Variants in EPS8 observed in about 807,000 individuals in gnomAD.
EPS8 encodes the protein epidermal growth factor receptor kinase substrate 8.
A neutral mutation model predicts 103.8 loss-of-function variants in EPS8; 42 were observed. The ratio of observed to expected loss-of-function variants is 0.40; its 90% CI spans 0.32 to 0.52. The LOEUF is 0.52. EPS8 is among the 20% of genes least tolerant of loss of function. The pLI is 0.40. For missense variants in EPS8, 969 were observed against 1,005.1 expected, an observed-to-expected ratio of 0.96 and a Z score of 0.49; for synonymous variants, 344 against 344.6, an observed-to-expected ratio of 1.00 and a Z score of 0.02.
intron 18 of EPS8, among the ~76,000 whole-genome samples, chr12:15,629,278 G>A (rs552813267): frequency 6.6e-6 from 1 of 152,272 alleles, no homozygotes; most frequent in Non-Finnish European, 1.5e-5. Flanking sequence ...AGAACAGACT[G>A]TCCTAACCCA....
intron 10 of EPS8, among the ~76,000 whole-genome samples, chr12:15,659,514 T>C (rs929055707): frequency 2.6e-5 from 4 of 152,130 alleles, no homozygotes; most frequent in African/African-American, 9.7e-5. Context: ...ATACCTTTCA[T>C]AGAGAATTTC....
chr12:15,717,505 T>C lies in EPS8; in HGVS notation c.-21-34533A>G, dbSNP rs1031758855. 2.0e-5 allele frequency among the ~76,000 whole-genome samples: 3 copies of C among 152,006 alleles called. No individual in the cohort carries two copies. Among genetic ancestry groups the C allele is most frequent in the African/African-American group, 7.3e-5 (3 of 41,350 alleles). On this transcript the variant is annotated intron_variant, in intron 1 of 20. Transcript: ENST00000281172. This position sits in a 1 kb window ranked among gnomAD's most constrained non-coding sequence, Gnocchi z 4.3. ...GGGAGGCTGAGGCAGCAGAATTGCT[T>C]AAGCCCCGGAGGCAGAGGTTGCAGT...
intron 20 of EPS8, among the ~76,000 whole-genome samples, chr12:15,621,695 T>C (rs1300724566): frequency 9.9e-5 from 15 of 152,218 alleles, no homozygotes; most frequent in Admixed American, 9.8e-4. Flanking sequence ...AATGTATGTA[T>C]AGTACTCTAG....
intron 1 of EPS8, chr12:15,712,977 G>A (rs975009528): frequency 1.3e-5 from 13 of 985,296 alleles, no homozygotes; most frequent in South Asian, 4.7e-5. Flanking sequence ...GACTCTAAGC[G>A]TCAGTTTCGG....
intron 10 of EPS8, among the ~76,000 whole-genome samples, chr12:15,659,877 T>C (rs1428659259): frequency 6.6e-6 from 1 of 152,234 alleles, no homozygotes; most frequent in Non-Finnish European, 1.5e-5. Flanking sequence ...TAAAGTTTTG[T>C]GATAAAAAAT....
At chr12:15,754,724 TG>T (rs1946968305) in intron 1 of EPS8, among the ~76,000 whole-genome samples, 7 of 152,232 alleles carry the variant, frequency 4.6e-5, no homozygotes, top group Admixed American at 4.6e-4. Flanking sequence ...GAATGAAATT[TG>T]TGAAAGAAAC....
At position 15,696,915 on chromosome 12, in the gene EPS8, T is replaced by G. The variant is rs1233286890; in HGVS notation, c.-21-13943A>C. On this transcript the variant is annotated intron_variant, in intron 1 of 20. Coordinates refer to ENST00000281172, the MANE Select transcript of EPS8 (RefSeq NM_004447.6). This position sits in a 1 kb window ranked among gnomAD's most constrained non-coding sequence, Gnocchi z 4.8. ...GGAAGGGAGAGTGACCAAAGAACCT[T>G]CATGTTCCCGGATCACATTATATAG... Among the ~76,000 whole-genome samples, 1 of 152,186 alleles carries G rather than the reference T, an allele frequency of 6.6e-6. No homozygotes were observed. The highest frequency in any genetic ancestry group is 1.5e-5 in the Non-Finnish European group (1 of 68,032).
intron 1 of EPS8, chr12:15,712,969 C>T: frequency 1.0e-6 from 1 of 985,412 alleles, no homozygotes; most frequent in Non-Finnish European, 1.2e-6. Context: ...AAGGGTGGGA[C>T]TCTAAGCGTC....
At chr12:15,678,276 T>C (rs929907274) in intron 3 of EPS8, among the ~76,000 whole-genome samples, 2 of 152,134 alleles carry the variant, frequency 1.3e-5, no homozygotes, top group African/African-American at 2.4e-5. Flanking sequence ...TCCATAGGCA[T>C]TTTCTGAGAA....
At chr12:15,718,896 AG>A (rs1320609132) in intron 1 of EPS8, among the ~76,000 whole-genome samples, 2 of 152,192 alleles carry the variant, frequency 1.3e-5, no homozygotes, top group Non-Finnish European at 2.9e-5. Flanking sequence ...CATTTCTTAC[AG>A]AAGTATCAAT....
In EPS8 at chr12:15,697,887, A is replaced by C. The variant is rs1291462210; in HGVS notation, c.-21-14915T>G. On this transcript the variant is annotated intron_variant, in intron 1 of 20. Coordinates refer to ENST00000281172, the MANE Select transcript of EPS8 (RefSeq NM_004447.6). This position sits in a 1 kb window ranked among gnomAD's most constrained non-coding sequence, Gnocchi z 5.6. ...GCCAAGATAGTACCAGAATAAAGAC[A>C]ATGGACACTAAAGTGACAAAAGAAT... Among the ~76,000 whole-genome samples, 5 of 152,210 alleles carry C rather than the reference A, an allele frequency of 3.3e-5. No individual in the cohort carries two copies. Among genetic ancestry groups the C allele is most frequent in the Non-Finnish European group, 7.3e-5 (5 of 68,036 alleles).
At position 15,781,297 on chromosome 12, in the gene EPS8, C is replaced by T. The variant is rs1947258606; in HGVS notation, c.-22+7864G>A. Among the ~76,000 whole-genome samples, 1 of 152,082 alleles carries T rather than the reference C, an allele frequency of 6.6e-6. No homozygotes were observed. The highest frequency in any genetic ancestry group is 1.5e-5 in the Non-Finnish European group (1 of 68,034). ...TAGTAATTTGAGCAAGTATATAGCA[C>T]AGTATTAAATAAAAGAATGTAATTA... On this transcript the variant is annotated intron_variant, in intron 1 of 20. Coordinates refer to ENST00000281172, the MANE Select transcript of EPS8 (RefSeq NM_004447.6). This position sits in a 1 kb window ranked among gnomAD's most constrained non-coding sequence, Gnocchi z 4.1.
chr12:15,655,763 G>A (rs570736146), intron 12 of EPS8, among the ~76,000 whole-genome samples: 8 of 152,310 alleles, frequency 5.3e-5, no homozygotes, highest in East Asian at 1.9e-4. Flanking sequence ...AAGAACGTGC[G>A]CAGGCACATG....
intron 3 of EPS8, among the ~76,000 whole-genome samples, chr12:15,679,992 T>C (rs1242002688): frequency 1.3e-5 from 2 of 152,206 alleles, no homozygotes; most frequent in Non-Finnish European, 2.9e-5. Context: ...GGTCCTGTTC[T>C]GTACACATAT....
In EPS8 at chr12:15,624,305, A is replaced by G; in HGVS notation, c.2147T>C (p.Val716Ala). The G allele has an allele frequency of 1.2e-6, 2 of 1,613,876 alleles. No individual in the cohort carries two copies. Among genetic ancestry groups the G allele is most frequent in the Non-Finnish European group, 1.7e-6 (2 of 1,179,872 alleles). ...GTCGTAAGTGATATTGATAACTGGC[A>G]CGTTCTGCCGTGGCACATGGAATTT... ...QKKFHVPRQN[V>A]PVINITYDST... The change falls in exon 19 of 21, where the codon GTG becomes GCG. Residue 716 changes from valine to alanine, a missense_variant. Val to Ala is a moderately conservative substitution (Grantham distance 64, BLOSUM62 0). Coordinates refer to ENST00000281172, the MANE Select transcript of EPS8 (RefSeq NM_004447.6).
At chr12:15,677,502 C>A (rs1477988324) in intron 3 of EPS8, among the ~76,000 whole-genome samples, 1 of 152,178 alleles carries the variant, frequency 6.6e-6, no homozygotes, top group Non-Finnish European at 1.5e-5. Context: ...TGTGAACATT[C>A]ATGTTCCAGT....
intron 1 of EPS8, among the ~76,000 whole-genome samples, chr12:15,765,095 CA>C (rs1011554677): frequency 1.6e-4 from 25 of 151,972 alleles, no homozygotes; most frequent in Non-Finnish European, 3.1e-4. Context: ...CAGAGAAATC[CA>C]AACAAAAAGG....
chr12:15,656,560 T>C (rs1945511085), intron 12 of EPS8, among the ~76,000 whole-genome samples: 1 of 152,150 alleles, frequency 6.6e-6, no homozygotes, highest in Non-Finnish European at 1.5e-5. Context: ...TACTTATCCC[T>C]GGGGAAAGAA....
At position 15,779,498 on chromosome 12, in the gene EPS8, T is replaced by C. The variant is rs1168051329; in HGVS notation, c.-22+9663A>G. Among the ~76,000 whole-genome samples the C allele has an allele frequency of 6.6e-6, 1 of 152,246 alleles. No homozygotes were observed. Among genetic ancestry groups the C allele is most frequent in the African/African-American group, 2.4e-5 (1 of 41,466 alleles). ...AAGAGACAGATTTTACACATATTTT[T>C]ATTTGCAGCTTTGTTTTTCCACTTC... On this transcript the variant is annotated intron_variant, in intron 1 of 20. Coordinates refer to ENST00000281172, the MANE Select transcript of EPS8 (RefSeq NM_004447.6). This position sits in a 1 kb window ranked among gnomAD's most constrained non-coding sequence, Gnocchi z 4.3.
Sources: gnomAD v4.1 joint callset for allele counts (sites outside exome capture counted in the v4.1 genomes callset) on GRCh38, gnomAD v4.1.1 for gene constraint, Gnocchi (gnomAD v3.1) non-coding constraint, MANE v1.5 for transcripts, NCBI Gene and HGNC (gene_info 2026-07-23, HGNC 2026-07-21) for gene names.